ZNRF3: variants seen among roughly 807,000 people sequenced by gnomAD.
ZNRF3 encodes E3 ubiquitin-protein ligase ZNRF3.
Under a neutral mutation model 72.5 loss-of-function variants are expected in ZNRF3, and 23 were observed. The ratio of observed to expected loss-of-function variants is 0.32; its 90% CI spans 0.23 to 0.45. ZNRF3 has a LOEUF of 0.45. Ranked by LOEUF, ZNRF3 falls within the 20% of genes least tolerant of loss-of-function variation. ZNRF3 has a pLI of 1.00. For synonymous variants in ZNRF3, 610 were observed against 545.3 expected (o/e 1.12, Z -1.65); for missense variants, 1,169 against 1,272.1 (o/e 0.92, Z 1.23).
intron 1 of ZNRF3, among the ~76,000 whole-genome samples, chr22:28,959,675 A>T (rs893804275): frequency 6.6e-6 from 1 of 152,204 alleles, no homozygotes; most frequent in African/African-American, 2.4e-5. Context: ...TCTTGTGTTG[A>T]AGCCCTAACT....
chr22:28,957,351 A>G (rs1393867350), intron 1 of ZNRF3, among the ~76,000 whole-genome samples: 2 of 152,216 alleles, frequency 1.3e-5, no homozygotes, highest in Non-Finnish European at 1.5e-5. Context: ...CAATGCATGT[A>G]TGTTACCCAG....
At chr22:29,044,348 G>A (rs1477933685) in intron 4 of ZNRF3, among the ~76,000 whole-genome samples, 1 of 152,072 alleles carries the variant, frequency 6.6e-6, no homozygotes, top group Admixed American at 6.5e-5. Context: ...TGATATTTGT[G>A]GAAGCAGCAT....
At chr22:28,958,202 ACT>A (rs1408784467) in intron 1 of ZNRF3, among the ~76,000 whole-genome samples, 1 of 152,058 alleles carries the variant, frequency 6.6e-6, no homozygotes, top group African/African-American at 2.4e-5. Context: ...GAAAAGCATA[ACT>A]CTTCTCTTCT....
At chr22:28,932,626 G>C (rs1218438754) in intron 1 of ZNRF3, among the ~76,000 whole-genome samples, 1 of 152,192 alleles carries the variant, frequency 6.6e-6, no homozygotes, top group Non-Finnish European at 1.5e-5. Flanking sequence ...ACTCAGCTGA[G>C]AGGCAAAACT....
chr22:28,915,967 C>T (rs2034400781), intron 1 of ZNRF3, among the ~76,000 whole-genome samples: 1 of 152,212 alleles, frequency 6.6e-6, no homozygotes. Flanking sequence ...ACCCTTCCTC[C>T]CTTCCTTCAT....
At chr22:28,918,946 G>A (rs577330569) in intron 1 of ZNRF3, among the ~76,000 whole-genome samples, 9 of 152,340 alleles carry the variant, frequency 5.9e-5, no homozygotes, top group East Asian at 5.8e-4. Context: ...CCTTGAGAAA[G>A]TGCAAGACAC....
chr22:28,896,097 T>C (rs1396084887), intron 1 of ZNRF3, among the ~76,000 whole-genome samples: 1 of 151,732 alleles, frequency 6.6e-6, no homozygotes, highest in Non-Finnish European at 1.5e-5. Context: ...ATTACAGGCG[T>C]CCACCATCAC....
chr22:28,954,601 A>G (rs974451510), intron 1 of ZNRF3, among the ~76,000 whole-genome samples: 3 of 152,038 alleles, frequency 2.0e-5, no homozygotes, highest in Admixed American at 2.0e-4. Context: ...TGATTCTTGG[A>G]TGCTTTTCTT....
intron 2 of ZNRF3, among the ~76,000 whole-genome samples, chr22:28,999,812 C>T (rs2036112750): frequency 6.6e-6 from 1 of 152,164 alleles, no homozygotes; most frequent in Non-Finnish European, 1.5e-5. Context: ...TTGTATAGCA[C>T]CTGTGCAGGA....
At chr22:28,887,033 A>C (rs1385963581) in intron 1 of ZNRF3, among the ~76,000 whole-genome samples, 1 of 152,166 alleles carries the variant, frequency 6.6e-6, no homozygotes, top group East Asian at 1.9e-4. Flanking sequence ...ATTTTCCTAT[A>C]ACTAAAGCTA....
At chr22:28,929,467 A>C (rs2034667357) in intron 1 of ZNRF3, among the ~76,000 whole-genome samples, 1 of 152,210 alleles carries the variant, frequency 6.6e-6, no homozygotes, top group East Asian at 1.9e-4. Flanking sequence ...ATGTCTCCAG[A>C]CACTGCCAGA....
chr22:29,040,067 C>T (rs1433356702), intron 2 of ZNRF3, among the ~76,000 whole-genome samples: 1 of 152,136 alleles, frequency 6.6e-6, no homozygotes, highest in Non-Finnish European at 1.5e-5. Context: ...GGTGACAGGG[C>T]CAGTGTAGTT....
intron 1 of ZNRF3, among the ~76,000 whole-genome samples, chr22:28,975,528 A>AG (rs2035656006): frequency 1.4e-5 from 2 of 146,404 alleles, no homozygotes; most frequent in African/African-American, 2.5e-5. Flanking sequence ...AAAAAAAAAA[A>AG]GAGTTCAAGA....
chr22:29,014,400 T>C (rs2036398073), intron 2 of ZNRF3, among the ~76,000 whole-genome samples: 1 of 152,122 alleles, frequency 6.6e-6, no homozygotes, highest in African/African-American at 2.4e-5. Context: ...AGTGCAGGCT[T>C]GGGTGATGTG....
At chr22:28,921,470 C>T (rs1479530846) in intron 1 of ZNRF3, among the ~76,000 whole-genome samples, 4 of 152,188 alleles carry the variant, frequency 2.6e-5, no homozygotes, top group Admixed American at 1.3e-4. Context: ...GAGCTTTGGC[C>T]TTTATTTGCA....
chr22:29,029,678 C>T lies in ZNRF3; in HGVS notation c.427-12817C>T, dbSNP rs372081744. Among the ~76,000 whole-genome samples, 22 of 152,232 alleles carry T rather than the reference C, an allele frequency of 1.4e-4. No individual in the cohort carries two copies. In the East Asian group the frequency reaches 1.9e-3, roughly 13 times the overall value. ...GATCAAATCATCTCTAGGGGTAGGT[C>T]CTGGGCTCGAGTTTTTTTGTTTTTG... On this transcript the variant is annotated intron_variant, in intron 2 of 8. Transcript: ENST00000544604.
chr22:29,028,484 T>A (rs1316757035), intron 2 of ZNRF3, among the ~76,000 whole-genome samples: 1 of 152,218 alleles, frequency 6.6e-6, no homozygotes, highest in Admixed American at 6.5e-5. Context: ...AATATAATAC[T>A]TACATAAGCT....
chr22:28,913,827 G>A (rs929951055), intron 1 of ZNRF3, among the ~76,000 whole-genome samples: 1 of 152,140 alleles, frequency 6.6e-6, no homozygotes, highest in Non-Finnish European at 1.5e-5. Flanking sequence ...TAGGCAGGTG[G>A]GGGCCACAGG....
intron 2 of ZNRF3, among the ~76,000 whole-genome samples, chr22:29,012,961 C>T (rs1380195513): frequency 1.3e-5 from 2 of 152,206 alleles, no homozygotes; most frequent in African/African-American, 4.8e-5. Flanking sequence ...AGACCTCCTG[C>T]TCTTCTCATC....
Sources: allele counts gnomAD v4.1 joint callset (sites outside exome capture counted in the v4.1 genomes callset), GRCh38; gene constraint gnomAD v4.1.1; transcripts MANE v1.5; gene names NCBI Gene and HGNC (gene_info 2026-07-23, HGNC 2026-07-21).